Variants in KLHL32 observed in about 807,000 individuals in gnomAD.
The protein encoded by KLHL32 is kelch like family member 32.
In KLHL32, 35 loss-of-function variants were observed where a neutral mutation model predicts 64.8. That is an observed-to-expected ratio of 0.54 (90% CI 0.41 to 0.72). KLHL32 has a LOEUF of 0.72. Ranked by LOEUF, KLHL32 falls within the 30% of genes least tolerant of loss-of-function variation. The pLI is 0.00. For missense variants in KLHL32, 589 were observed against 768.5 expected (o/e 0.77, Z 2.76); for synonymous variants, 259 against 281.0 (o/e 0.92, Z 0.78).
At chr6:96,973,410 T>C (rs1037002606) in intron 2 of KLHL32, among the ~76,000 whole-genome samples, 5 of 152,180 alleles carry the variant, frequency 3.3e-5, no homozygotes, top group Admixed American at 1.3e-4. Context: ...CCACTACAAA[T>C]GAAATTTTGA....
intron 3 of KLHL32, among the ~76,000 whole-genome samples, chr6:97,020,451 G>A (rs1374889756): frequency 1.3e-5 from 2 of 150,626 alleles, no homozygotes; most frequent in Non-Finnish European, 2.9e-5. Context: ...TCAAAAGTGG[G>A]CCTATTTTGT....
At chr6:96,954,050 C>A (rs149024784) in intron 1 of KLHL32, among the ~76,000 whole-genome samples, 134 of 152,130 alleles carry the variant, frequency 8.8e-4, no homozygotes, top group African/African-American at 2.9e-3. Context: ...TCACTATCAC[C>A]TGAGAATTCC....
intron 5 of KLHL32, among the ~76,000 whole-genome samples, chr6:97,074,728 A>C (rs1449629648): frequency 6.6e-6 from 1 of 151,968 alleles, no homozygotes; most frequent in African/African-American, 2.4e-5. Flanking sequence ...AAGTAGGGAA[A>C]TAGATGATAA....
intron 3 of KLHL32, among the ~76,000 whole-genome samples, chr6:96,978,978 C>CT (rs1424167271): frequency 6.6e-6 from 1 of 151,954 alleles, no homozygotes; most frequent in Non-Finnish European, 1.5e-5. Context: ...CTTTTGCCCC[C>CT]TTTTTTTATG....
At chr6:97,118,430 C>T (rs1351155778) in intron 7 of KLHL32, among the ~76,000 whole-genome samples, 1 of 151,862 alleles carries the variant, frequency 6.6e-6, no homozygotes, top group Non-Finnish European at 1.5e-5. Context: ...ACCAGCCTGG[C>T]CAGCATGGTG....
intron 3 of KLHL32, among the ~76,000 whole-genome samples, chr6:97,029,769 C>T (rs1783258085): frequency 6.6e-6 from 1 of 152,160 alleles, no homozygotes; most frequent in African/African-American, 2.4e-5. Context: ...ATTTACTACC[C>T]ATTCTATATG....
At chr6:96,989,665 AT>A (rs2128062167) in intron 3 of KLHL32, among the ~76,000 whole-genome samples, 1 of 152,012 alleles carries the variant, frequency 6.6e-6, no homozygotes, top group Non-Finnish European at 1.5e-5. Context: ...AACTTGGGAA[AT>A]TTTTCTGGAT....
chr6:96,973,730 C>CTCTTTTTTTTTTTTTTTTTTT (rs1554208428), intron 2 of KLHL32, among the ~76,000 whole-genome samples: 16 of 118,256 alleles, frequency 1.4e-4, no homozygotes, highest in African/African-American at 5.2e-4. Flanking sequence ...TACAGATTGC[C>CTCTTTTTTTTTTTTTTTTTTT]TTTTTTTTTT....
chr6:97,037,853 C>A (rs1212840299), intron 3 of KLHL32, among the ~76,000 whole-genome samples: 1 of 152,082 alleles, frequency 6.6e-6, no homozygotes, highest in Non-Finnish European at 1.5e-5. Flanking sequence ...AATAGGGAAC[C>A]CAAATATAAG....
At chr6:97,132,831 T>G in intron 10 of KLHL32, 84 bp downstream of exon 10, 1 of 942,636 alleles carries the variant, frequency 1.1e-6, no homozygotes, top group Non-Finnish European at 1.6e-6. Context: ...AAGAAAGAGA[T>G]ATTTATGTTT....
chr6:97,056,595 T>C (rs1321622257), intron 4 of KLHL32, among the ~76,000 whole-genome samples: 1 of 152,200 alleles, frequency 6.6e-6, no homozygotes, highest in African/African-American at 2.4e-5. Flanking sequence ...GGTGATGTCA[T>C]CCAGACCCAA....
chr6:96,902,474 T>C, the KLHL32 span, among the ~76,000 whole-genome samples: 21 of 152,186 alleles, frequency 1.4e-4, no homozygotes, highest in South Asian at 3.9e-3. Context: ...AATTTGTTTA[T>C]AGGCGTTGCA....
intron 3 of KLHL32, among the ~76,000 whole-genome samples, chr6:97,031,440 A>G (rs1332029584): frequency 6.6e-6 from 1 of 151,750 alleles, no homozygotes; most frequent in African/African-American, 2.4e-5. Flanking sequence ...GGGTCAAGTG[A>G]TCCTCCTGCC....
At chr6:96,943,215 G>A (rs921533206) in intron 1 of KLHL32, among the ~76,000 whole-genome samples, 1 of 151,964 alleles carries the variant, frequency 6.6e-6, no homozygotes, top group Non-Finnish European at 1.5e-5. Flanking sequence ...CTATCCTGGG[G>A]TAAAGGACTG....
At chr6:97,110,961 T>G (rs1797032485) in intron 6 of KLHL32, among the ~76,000 whole-genome samples, 1 of 150,898 alleles carries the variant, frequency 6.6e-6, no homozygotes, top group South Asian at 2.1e-4. Context: ...ACCTTAACAT[T>G]ATAAAAGAAC....
chr6:96,974,223 G>A (rs1054205075), intron 2 of KLHL32, among the ~76,000 whole-genome samples: 4 of 152,090 alleles, frequency 2.6e-5, no homozygotes, highest in Admixed American at 2.6e-4. Context: ...CATGGGACAC[G>A]GTAAGCACTA....
At chr6:96,964,526 G>A (rs1270641332) in intron 1 of KLHL32, among the ~76,000 whole-genome samples, 1 of 152,256 alleles carries the variant, frequency 6.6e-6, no homozygotes, top group South Asian at 2.1e-4. Context: ...GTTGGCCGGC[G>A]CCTGTAGTCC....
chr6:97,076,230 T>A (rs997600355), intron 5 of KLHL32, among the ~76,000 whole-genome samples: 1 of 152,212 alleles, frequency 6.6e-6, no homozygotes, highest in Admixed American at 6.5e-5. Context: ...TTGCTGACAC[T>A]CATAGAAAAA....
chr6:96,968,366 A>G (rs1201658299), intron 2 of KLHL32, among the ~76,000 whole-genome samples: 1 of 151,924 alleles, frequency 6.6e-6, no homozygotes, highest in Non-Finnish European at 1.5e-5. Context: ...AGCAAAAAAC[A>G]AAAAACAAAA....
Sources: allele counts gnomAD v4.1 joint callset (sites outside exome capture counted in the v4.1 genomes callset), GRCh38; gene constraint gnomAD v4.1.1; transcripts MANE v1.5; gene names NCBI Gene and HGNC (gene_info 2026-07-23, HGNC 2026-07-21).